Variants in EBNA1BP2 observed in about 807,000 individuals in gnomAD.
EBNA1BP2 encodes EBNA1 binding protein 2, also known as probable rRNA-processing protein EBP2.
A neutral mutation model predicts 43.5 loss-of-function variants in EBNA1BP2; 36 were observed. That is an observed-to-expected ratio of 0.83 (90% confidence interval 0.63 to 1.09). The LOEUF is 1.09. Ranked by LOEUF, EBNA1BP2 falls within the 50% of genes least tolerant of loss-of-function variation. The pLI, the probability that EBNA1BP2 is intolerant of heterozygous loss-of-function variation, is 0.00. For synonymous variants in EBNA1BP2, 127 were observed against 141.3 expected (o/e 0.90, Z 0.72); for missense variants, 332 against 379.1 (o/e 0.88, Z 1.03).
At position 43,171,560 on chromosome 1, in the gene EBNA1BP2, C is replaced by A. The variant is rs376746332; in HGVS notation, c.242G>T (p.Gly81Val). ...CTGAGGTGCTGGCGCCTCAGATCCA[C>A]CGATCTCCGGTACCGGACCCAGTGT... ...DVTLGPVPEI[G>V]GSEAPAPQNK... Residue 81 changes from glycine (G) to valine (V), a missense_variant, in exon 3 of 9, where the codon GGT becomes GTT. Coordinates refer to ENST00000236051, the MANE Select transcript of EBNA1BP2 (RefSeq NM_006824.3). 87 of 1,614,102 alleles carry A rather than the reference C, an allele frequency of 5.4e-5. No individual in the cohort carries two copies. The highest frequency in any genetic ancestry group is 6.8e-5 in the Non-Finnish European group (80 of 1,180,056).
intron 2 of EBNA1BP2, 97 bp downstream of exon 2, chr1:43,171,789 G>C: frequency 1.3e-6 from 2 of 1,572,186 alleles, no homozygotes; most frequent in African/African-American, 1.3e-5. Flanking sequence ...GAGGCGCAGG[G>C]TGCATCTTTC....
upstream of EBNA1BP2, chr1:43,172,327 C>A (rs1381213555): frequency 1.3e-6 from 2 of 1,551,610 alleles, no homozygotes; most frequent in Non-Finnish European, 1.7e-6. Context: ...GGCGGCAAAC[C>A]ATACTTCCGG....
intron 5 of EBNA1BP2, among the ~76,000 whole-genome samples, chr1:43,167,831 A>G (rs1469199583): frequency 6.6e-6 from 1 of 152,168 alleles, no homozygotes; most frequent in East Asian, 1.9e-4. Context: ...GCTGGGGGGT[A>G]GGGGCCTGTC....
chr1:43,170,736 G>A lies in EBNA1BP2; in HGVS notation c.447+20C>T. On this transcript the variant is annotated intron_variant, in intron 4 of 8. Transcript: ENST00000236051. ...AAGTACAAAGTTTTGACTTTCCAGA[G>A]GAAAACTTCTATTTCTTACCTTCTG... The A allele has an allele frequency of 6.3e-7, 1 of 1,599,460 alleles. No homozygotes were observed. The highest frequency in any genetic ancestry group is 1.1e-5 in the South Asian group (1 of 88,390).
At chr1:43,171,673 C>T in intron 2 of EBNA1BP2, 22 bp from the exon 3 acceptor site, 1 of 1,610,114 alleles carries the variant, frequency 6.2e-7, no homozygotes, top group Non-Finnish European at 8.5e-7. Context: ...AGACACTGAG[C>T]TCACAAGAAG....
chr1:43,172,025 C>A, intron 1 of EBNA1BP2, 28 bp downstream of exon 1: 1 of 1,614,056 alleles, frequency 6.2e-7, no homozygotes, highest in Non-Finnish European at 8.5e-7. Context: ...CTCCCACGCC[C>A]AGCCCCACGA....
upstream of EBNA1BP2, chr1:43,172,564 G>T: frequency 1.3e-6 from 1 of 790,016 alleles, no homozygotes; most frequent in Non-Finnish European, 2.0e-6. Context: ...GAGGACCCCG[G>T]GGGAGGGGAA....
At position 43,172,033 on chromosome 1, in the gene EBNA1BP2, C is replaced by T. The variant is rs776013767; in HGVS notation, c.66+20G>A. ...GCCCCCTCTCCCACGCCCAGCCCCA[C>T]GAGCTCGGCTGACACCTACCTCTCT... On this transcript the variant is annotated intron_variant, in intron 1 of 8. Coordinates refer to ENST00000236051, the MANE Select transcript of EBNA1BP2 (RefSeq NM_006824.3). 4 of 1,613,894 alleles carry T rather than the reference C, an allele frequency of 2.5e-6. No individual in the cohort carries two copies. Among genetic ancestry groups the T allele is most frequent in the Non-Finnish European group, 1.7e-6 (2 of 1,179,946 alleles).
At chr1:43,164,562 A>G (rs1644905835) in intron 8 of EBNA1BP2, 69 bp from the exon 9 acceptor site, 1 of 1,614,066 alleles carries the variant, frequency 6.2e-7, no homozygotes, top group Non-Finnish European at 8.5e-7. Context: ...GAGGACGAAC[A>G]GAACTGAAGG....
intron 5 of EBNA1BP2, 57 bp downstream of exon 5, chr1:43,168,881 CA>C (rs1644935181): frequency 3.8e-6 from 6 of 1,560,534 alleles, no homozygotes; most frequent in Non-Finnish European, 5.3e-6. Context: ...CAGACCACGG[CA>C]ATCTCATCTA....
At position 43,164,495 on chromosome 1, in the gene EBNA1BP2, T is replaced by C. The variant is rs747263444; in HGVS notation, c.871-2A>G. The stretch of plus-strand genomic sequence containing the variant: ...TCTTGTTCGTTTTCCAGGTCTCTTC[T>C]ACAGAAAAAGACATACCACATCTGG... On this transcript the variant is annotated splice_acceptor_variant, in intron 8 of 8. Transcript: ENST00000236051. LOFTEE classifies it high-confidence loss of function. 1.9e-6 allele frequency: 3 copies of C among 1,614,046 alleles called. No individual in the cohort carries two copies. Among genetic ancestry groups the C allele is most frequent in the Non-Finnish European group, 1.7e-6 (2 of 1,180,032 alleles).
Position 43,164,482 on chromosome 1 carries a change from TC to T in EBNA1BP2, c.881del (p.Gly294GlufsTer8), listed in dbSNP as rs1557707849. ...TCTTCATCTTCTCTCTTGTTCGTTTTCCAGGTCTCTTCTACAGAAAAAGACA... is the reference window on the plus strand; with the variant it reads ...TCTTCATCTTCTCTCTTGTTCGTTTTCAGGTCTCTTCTACAGAAAAAGACA... ...PGKKGSNKRP[G>X]KRTREKMKNR... is the part of the protein sequence containing the mutation. On this transcript the variant is annotated frameshift_variant, in exon 9 of 9. Transcript: ENST00000236051. LOFTEE classifies it high-confidence loss of function. The T allele has an allele frequency of 1.2e-6, 2 of 1,614,198 alleles. No homozygotes were observed.
At chr1:43,167,032 C>A in intron 6 of EBNA1BP2, 113 bp from the exon 7 acceptor site, 1 of 1,481,680 alleles carries the variant, frequency 6.7e-7, no homozygotes, top group South Asian at 1.1e-5. Flanking sequence ...ACATCCTGCT[C>A]TCCAACACCA....
intron 7 of EBNA1BP2, among the ~76,000 whole-genome samples, chr1:43,166,384 G>A (rs1457818280): frequency 6.6e-6 from 1 of 152,166 alleles, no homozygotes; most frequent in Non-Finnish European, 1.5e-5. Context: ...TGAGGTGAGT[G>A]AATCACTTGA....
In EBNA1BP2 at chr1:43,170,788, C is replaced by A; in HGVS notation, c.415G>T (p.Glu139Ter). 2 of 1,607,362 alleles carry A rather than the reference C, an allele frequency of 1.2e-6. No homozygotes were observed. Among genetic ancestry groups the A allele is most frequent in the South Asian group, 1.1e-5 (1 of 89,598 alleles). ...ATCTGCAGATCAGATTTGGCCATTT[C>A]CGCAAAATAATCAGTGGGTCGCTTC... ...PTKRPTDYFA[E>*]MAKSDLQMQK... Residue 139 changes from glutamate (E) to a stop codon, truncating the protein, a stop_gained, in exon 4 of 9, where the codon GAA (glutamate) becomes TAA (stop). Coordinates refer to ENST00000236051, the MANE Select transcript of EBNA1BP2 (RefSeq NM_006824.3). LOFTEE classifies it high-confidence loss of function.
At chr1:43,167,360 G>C in intron 5 of EBNA1BP2, 125 bp from the exon 6 acceptor site, 2 of 838,466 alleles carry the variant, frequency 2.4e-6, no homozygotes, top group South Asian at 1.4e-5. Flanking sequence ...GCCAAAAACT[G>C]TGTTAGGGAC....
chr1:43,166,935 T>TA lies in EBNA1BP2; in HGVS notation c.614-17dup. On this transcript the variant is annotated splice_polypyrimidine_tract_variant and intron_variant, in intron 6 of 8. Transcript: ENST00000236051. ...TCAGAGAAGCCTGTAAGTGAAGAAG[T>TA]AGTTTTGATCAGCACCATTGTATTT... is the stretch of plus-strand genomic sequence containing the variant. The TA allele has an allele frequency of 6.2e-7, 1 of 1,610,264 alleles. No homozygotes were observed. Among genetic ancestry groups the TA allele is most frequent in the South Asian group, 1.1e-5 (1 of 90,476 alleles).
upstream of EBNA1BP2, chr1:43,172,453 G>A (rs1346550894): frequency 7.1e-6 from 11 of 1,546,208 alleles, no homozygotes; most frequent in East Asian, 2.0e-4. Context: ...AGAAACGAAA[G>A]GTGGGAGGGG....
intron 7 of EBNA1BP2, among the ~76,000 whole-genome samples, chr1:43,165,275 C>A (rs1177031868): frequency 6.6e-6 from 1 of 152,146 alleles, no homozygotes; most frequent in Non-Finnish European, 1.5e-5. Flanking sequence ...AATGGAATAA[C>A]ATTCAAATGT....
Sources: gnomAD v4.1 joint callset for allele counts (sites outside exome capture counted in the v4.1 genomes callset) on GRCh38, gnomAD v4.1.1 for gene constraint, MANE v1.5 for transcripts, NCBI Gene and HGNC (gene_info 2026-07-23, HGNC 2026-07-21) for gene names.